ZSCAN5A: variants seen among roughly 807,000 people sequenced by gnomAD.
ZSCAN5A encodes the protein zinc finger and SCAN domain-containing protein 5A.
In ZSCAN5A, 12 loss-of-function variants were observed where a neutral mutation model predicts 23.7. That is an observed-to-expected ratio of 0.51 (90% confidence interval 0.32 to 0.82). ZSCAN5A has a LOEUF of 0.82. ZSCAN5A is among the 40% of genes least tolerant of loss of function. The pLI, the probability that ZSCAN5A is intolerant of heterozygous loss-of-function variation, is 0.03. For missense variants in ZSCAN5A, 597 were observed against 617.9 expected (o/e 0.97, Z 0.36); for synonymous variants, 257 against 239.9 (o/e 1.07, Z -0.66).
In ZSCAN5A at chr19:56,282,506, T is replaced by G. The variant is rs902370682; in HGVS notation, c.-128+30777A>C. ...CTGCCAACAGTGCTGAAAGGTAAGC[T>G]TCTCATTCCATCTCTTTCCCTTTGG... On this transcript the variant is annotated intron_variant, in intron 2 of 5. Coordinates refer to ENST00000683990, the MANE Select transcript of ZSCAN5A (RefSeq NM_001322064.3). The G allele has an allele frequency of 3.0e-6, 3 of 985,242 alleles. No individual in the cohort carries two copies. The East Asian group carries it at 3.4e-4, about 112-fold the overall frequency. The allele number at this position is 985,242 out of a possible 1,614,324, so 61.0% of individuals were successfully genotyped here. A position where few individuals can be genotyped will look rare whatever the true frequency, so the allele number is the denominator to read the frequency against.
intron 2 of ZSCAN5A, among the ~76,000 whole-genome samples, chr19:56,252,279 C>A (rs560801080): frequency 2.0e-5 from 3 of 152,280 alleles, no homozygotes; most frequent in African/African-American, 4.8e-5. Flanking sequence ...GGTGCACCTA[C>A]CCAAACCTGG....
chr19:56,277,176 G>A (rs1026000739), intron 2 of ZSCAN5A, among the ~76,000 whole-genome samples: 3 of 152,110 alleles, frequency 2.0e-5, no homozygotes, highest in African/African-American at 7.2e-5. Flanking sequence ...CAGCAATTCC[G>A]CTCTAGGTAT....
At chr19:56,240,717 A>C (rs2035366526) in intron 2 of ZSCAN5A, among the ~76,000 whole-genome samples, 1 of 152,292 alleles carries the variant, frequency 6.6e-6, no homozygotes, top group Middle Eastern at 3.4e-3. Context: ...TAAACTAGGA[A>C]TAATATTAAC....
In ZSCAN5A at chr19:56,222,099, C is replaced by T; in HGVS notation, c.967G>A (p.Glu323Lys). The T allele has an allele frequency of 1.2e-6, 2 of 1,614,154 alleles. No homozygotes were observed. Among genetic ancestry groups the T allele is most frequent in the Admixed American group, 1.7e-5 (1 of 60,016 alleles). ...QGEATPVGNR[E>K]SPGQAGMNSI... ...TTCATCCCAGCTTGTCCCGGGGATT[C>T]TCTGTTGCCCACAGGTGTGGCTTCT... Residue 323 changes from glutamate to lysine, a missense_variant, in exon 6 of 6, where the codon GAA (glutamate) becomes AAA (lysine). By Grantham distance (56) the Glu-to-Lys change is moderately conservative. This residue lies in a region of ZSCAN5A where 406 missense variants were observed against 353.2 expected (regional missense o/e 1.15). Coordinates refer to ENST00000683990, the MANE Select transcript of ZSCAN5A (RefSeq NM_001322064.3).
intron 2 of ZSCAN5A, among the ~76,000 whole-genome samples, chr19:56,237,695 G>A (rs1474129502): frequency 6.6e-6 from 1 of 151,988 alleles, no homozygotes; most frequent in Non-Finnish European, 1.5e-5. Context: ...TGAGACGGGC[G>A]GATCGCTTGA....
chr19:56,295,096 G>A (rs2039776760), intron 2 of ZSCAN5A: 1 of 152,198 alleles, frequency 6.6e-6, no homozygotes, highest in South Asian at 2.1e-4. Context: ...ATTGTTTGTG[G>A]TGATGGATGC....
intron 2 of ZSCAN5A, among the ~76,000 whole-genome samples, chr19:56,344,904 C>T (rs867616170): frequency 6.8e-4 from 64 of 94,146 alleles, no homozygotes; most frequent in Middle Eastern, 0.011. Flanking sequence ...AGCGAGACTC[C>T]GTCTCAAAAA....
In ZSCAN5A at chr19:56,355,583, CT is replaced by C. The variant is rs549582162; in HGVS notation, c.-358+7651del. Reference sequence around the variant, plus strand: ...GTAACAACAATAGCCCAAGACCAAGCTCTGTAAAACAATTATGACTGTAAAA... The same window carrying C: ...GTAACAACAATAGCCCAAGACCAAGCCTGTAAAACAATTATGACTGTAAAA... On this transcript the variant is annotated intron_variant, in intron 2 of 6. Coordinates refer to the ZSCAN5A transcript ENST00000587340. Among the ~76,000 whole-genome samples the C allele has an allele frequency of 1.2e-3, 182 of 149,042 alleles. 25 individuals carry two copies. The highest frequency in any genetic ancestry group is 4.4e-3 in the African/African-American group (175 of 39,700).
intron 2 of ZSCAN5A, chr19:56,302,220 C>T (rs928853047): frequency 1.8e-6 from 1 of 548,534 alleles, no homozygotes; most frequent in Non-Finnish European, 2.7e-6. Flanking sequence ...GTGGGAGAGC[C>T]CTTCTGTAAA....
At chr19:56,353,730 C>T (rs199926740) in intron 2 of ZSCAN5A, among the ~76,000 whole-genome samples, 14 of 151,920 alleles carry the variant, frequency 9.2e-5, no homozygotes, top group East Asian at 5.8e-4. Context: ...TGCAGTGAAC[C>T]GAGATCGTGC....
Position 56,222,594 on chromosome 19 carries a change from G to C in ZSCAN5A, c.736C>G (p.Pro246Ala). 1.2e-6 allele frequency: 2 copies of C among 1,614,120 alleles called. No individual in the cohort carries two copies. Among genetic ancestry groups the C allele is most frequent in the Non-Finnish European group, 1.7e-6 (2 of 1,180,008 alleles). ...GGATCCAAGTCTTCATACTCACTGG[G>C]ACTCTTTGGAAGCTGAGGCTCTGGG... is the stretch of plus-strand genomic sequence containing the variant. ...TSPEPQLPKSPTDLVRAKEGK... is the reference protein window; with the variant it reads ...TSPEPQLPKSATDLVRAKEGK... The change falls in exon 5 of 6, where the codon CCC becomes GCC. Residue 246 changes from proline (P) to alanine (A), a missense_variant. Physicochemically the swap from Pro to Ala is conservative, Grantham distance 27. Coordinates refer to ENST00000683990, the MANE Select transcript of ZSCAN5A (RefSeq NM_001322064.3).
intron 2 of ZSCAN5A, among the ~76,000 whole-genome samples, chr19:56,226,072 C>T (rs372778063): frequency 9.9e-4 from 151 of 152,166 alleles, no homozygotes; most frequent in African/African-American, 3.3e-3. Flanking sequence ...CATCAATTAT[C>T]GTCCAAGTTC....
At chr19:56,295,017 GGCACC>G (rs1555805492) in intron 2 of ZSCAN5A, 1 of 152,216 alleles carries the variant, frequency 6.6e-6, no homozygotes, top group Non-Finnish European at 1.5e-5. Context: ...ACTGCTCAGG[GGCACC>G]AGGTTTGGAG....
At chr19:56,274,616 C>G (rs2038115228) in intron 2 of ZSCAN5A, 5 of 152,184 alleles carry the variant, frequency 3.3e-5, no homozygotes, top group Admixed American at 6.5e-5. Context: ...AACCATAGCA[C>G]AATGACTAAA....
chr19:56,270,863 C>T (rs569532503), intron 2 of ZSCAN5A, among the ~76,000 whole-genome samples: 1 of 152,258 alleles, frequency 6.6e-6, no homozygotes, highest in East Asian at 1.9e-4. Flanking sequence ...ACCACAAAAA[C>T]GATCTAGTCC....
At position 56,247,143 on chromosome 19, in the gene ZSCAN5A, T is replaced by C. The variant is rs543917433; in HGVS notation, c.-127-21970A>G. 4.7e-5 allele frequency: 31 copies of C among 654,220 alleles called. No individual in the cohort carries two copies. The South Asian group carries it at 5.2e-4, about 11-fold the overall frequency. 40.5% of individuals were successfully genotyped at this position (654,220 alleles called of 1,614,324 possible). On this transcript the variant is annotated intron_variant, in intron 2 of 5. Transcript: ENST00000683990. ...GATCACACACAGGAGAGAGACCCTTTCAATGTAATTTCTGTGAGAGGTGCT... is the reference window on the plus strand; with the variant it reads ...GATCACACACAGGAGAGAGACCCTTCCAATGTAATTTCTGTGAGAGGTGCT...
chr19:56,287,193 T>C (rs2039189328), intron 2 of ZSCAN5A, among the ~76,000 whole-genome samples: 1 of 152,248 alleles, frequency 6.6e-6, no homozygotes, highest in Non-Finnish European at 1.5e-5. Context: ...TGTTTTCCCA[T>C]CAACCTGGAA....
chr19:56,345,936 C>G (rs1232932900), intron 2 of ZSCAN5A, among the ~76,000 whole-genome samples: 1 of 152,116 alleles, frequency 6.6e-6, no homozygotes, highest in Non-Finnish European at 1.5e-5. Context: ...CTGAGATGAA[C>G]TTTTCTGTTT....
chr19:56,260,008 TA>T (rs531083378), intron 2 of ZSCAN5A, among the ~76,000 whole-genome samples: 18 of 152,082 alleles, frequency 1.2e-4, no homozygotes, highest in African/African-American at 1.7e-4. Flanking sequence ...TTAAATGCTA[TA>T]AAAAATGTTT....
Sources: gnomAD v4.1 joint callset for allele counts (sites outside exome capture counted in the v4.1 genomes callset) on GRCh38, gnomAD v4.1.1 for gene constraint, gnomAD v4.1.1 regional missense constraint, MANE v1.5 for transcripts, NCBI Gene and HGNC (gene_info 2026-07-23, HGNC 2026-07-21) for gene names.